GRM7: variants seen among roughly 807,000 people sequenced by gnomAD.
GRM7 encodes metabotropic glutamate receptor 7.
In GRM7, 35 loss-of-function variants were observed where a neutral mutation model predicts 84.5. The observed-to-expected ratio is 0.41, with a 90% CI of 0.32 to 0.55. The LOEUF (loss-of-function observed/expected upper bound fraction) is 0.55. Among genes scored for constraint, GRM7 ranks in the 20% least tolerant of loss-of-function variants. The pLI, the probability that GRM7 is intolerant of heterozygous loss-of-function variation, is 0.19. For missense variants in GRM7, 1,003 were observed against 1,194.6 expected (o/e 0.84, Z 2.36); for synonymous variants, 487 against 455.1 (o/e 1.07, Z -0.89).
chr3:7,267,156 G>A (rs1698672285), intron 2 of GRM7, among the ~76,000 whole-genome samples: 1 of 152,154 alleles, frequency 6.6e-6, no homozygotes. Flanking sequence ...TTGCTTCTCT[G>A]TAGAAAATCG....
chr3:7,343,807 CT>C (rs1415858900), intron 4 of GRM7, among the ~76,000 whole-genome samples: 2 of 152,124 alleles, frequency 1.3e-5, no homozygotes, highest in Non-Finnish European at 2.9e-5. Context: ...ATCTGAATTA[CT>C]TTGCCCTTTT....
At chr3:7,536,534 T>G (rs953536293) in intron 7 of GRM7, among the ~76,000 whole-genome samples, 4 of 152,304 alleles carry the variant, frequency 2.6e-5, no homozygotes, top group Middle Eastern at 3.4e-3. Context: ...CCCTAATATA[T>G]CAGGATTGGT....
chr3:6,921,434 C>T (rs1484997200), intron 1 of GRM7, among the ~76,000 whole-genome samples: 1 of 152,172 alleles, frequency 6.6e-6, no homozygotes, highest in African/African-American at 2.4e-5. Context: ...AGGGAAAGCG[C>T]AGCCAACAGC....
At chr3:6,963,639 A>G (rs1693389305) in intron 1 of GRM7, among the ~76,000 whole-genome samples, 1 of 152,170 alleles carries the variant, frequency 6.6e-6, no homozygotes, top group African/African-American at 2.4e-5. Flanking sequence ...ATCCCAATAC[A>G]TATCATTCAT....
intron 9 of GRM7, among the ~76,000 whole-genome samples, chr3:7,702,773 T>C (rs995556068): frequency 2.0e-5 from 3 of 152,182 alleles, no homozygotes; most frequent in Non-Finnish European, 4.4e-5. Flanking sequence ...GTAAGTCAGC[T>C]CTTGAATAAT....
intron 7 of GRM7, among the ~76,000 whole-genome samples, chr3:7,507,683 A>G (rs1381381184): frequency 6.6e-6 from 1 of 152,214 alleles, no homozygotes; most frequent in Non-Finnish European, 1.5e-5. Context: ...ACTGGTAGTT[A>G]TGATTGAGGA....
At position 7,121,746 on chromosome 3, in the gene GRM7, C is replaced by G. The variant is rs555813958; in HGVS notation, c.520-24706C>G. On this transcript the variant is annotated intron_variant, in intron 1 of 9. Coordinates refer to ENST00000357716, the MANE Select transcript of GRM7 (RefSeq NM_000844.4). ...GCAGAGATGGGTTTTATGGATAAAG[C>G]TGAAAACAATGCCAATACATAGTGA... Among the ~76,000 whole-genome samples the G allele has an allele frequency of 2.6e-5, 4 of 152,236 alleles. No individual in the cohort carries two copies. The South Asian group carries it at 8.3e-4, about 32-fold the overall frequency.
intron 4 of GRM7, among the ~76,000 whole-genome samples, chr3:7,343,688 A>G (rs993168294): frequency 3.9e-5 from 6 of 152,196 alleles, no homozygotes; most frequent in Non-Finnish European, 7.3e-5. Context: ...ACTTTGCAAC[A>G]CAATGCTTCT....
At chr3:6,937,355 T>C (rs1697729063) in intron 1 of GRM7, among the ~76,000 whole-genome samples, 1 of 152,212 alleles carries the variant, frequency 6.6e-6, no homozygotes, top group Non-Finnish European at 1.5e-5. Flanking sequence ...GAAAACAAAT[T>C]GTTAACCTCA....
At chr3:7,452,168 T>G (rs1369349084) in intron 5 of GRM7, among the ~76,000 whole-genome samples, 1 of 152,162 alleles carries the variant, frequency 6.6e-6, no homozygotes, top group African/African-American at 2.4e-5. Context: ...CCAGTAATAC[T>G]AACAATCGAG....
At chr3:7,054,422 A>G (rs551114697) in intron 1 of GRM7, among the ~76,000 whole-genome samples, 72 of 150,928 alleles carry the variant, frequency 4.8e-4, no homozygotes, top group Non-Finnish European at 9.0e-4. Context: ...AAATGGCTAT[A>G]TATGTATCTT....
intron 7 of GRM7, among the ~76,000 whole-genome samples, chr3:7,487,626 G>C (rs1344625816): frequency 6.6e-6 from 1 of 152,212 alleles, no homozygotes; most frequent in Non-Finnish European, 1.5e-5. Flanking sequence ...TGTAGGCCTT[G>C]TTGCCATTCA....
intron 9 of GRM7, chr3:7,686,494 C>A: frequency 2.5e-6 from 2 of 815,324 alleles, no homozygotes; most frequent in South Asian, 1.5e-5. Context: ...TTCTTGTCTC[C>A]AATGAGAATT....
intron 1 of GRM7, among the ~76,000 whole-genome samples, chr3:7,069,067 A>AT (rs1424592658): frequency 6.6e-6 from 1 of 150,704 alleles, no homozygotes; most frequent in African/African-American, 2.4e-5. Flanking sequence ...TTTTATATAT[A>AT]TATATATCAT....
intron 4 of GRM7, among the ~76,000 whole-genome samples, chr3:7,382,122 C>T (rs1284781722): frequency 1.4e-4 from 21 of 152,182 alleles, no homozygotes. Flanking sequence ...TTCTCTCTGT[C>T]TCTAAAAAAA....
At position 7,146,452 on chromosome 3, in the gene GRM7, A is replaced by G. The variant is rs1315580975; in HGVS notation, c.520A>G (p.Ile174Val). ...MVANILRLFQ[I>V]PQISYASTAP... Reference sequence around the variant, plus strand: ...ACGTGGTGCTTTCTTGTCTTTGCAGATCCCCCAGATTAGTTATGCATCAAC... The same window carrying G: ...ACGTGGTGCTTTCTTGTCTTTGCAGGTCCCCCAGATTAGTTATGCATCAAC... The change falls in exon 2 of 10, where the codon ATC becomes GTC. Residue 174 changes from isoleucine (I) to valine (V), a missense_variant and splice_region_variant. By Grantham distance (29) the Ile-to-Val change is conservative (BLOSUM62 3). Coordinates refer to ENST00000357716, the MANE Select transcript of GRM7 (RefSeq NM_000844.4). The G allele has an allele frequency of 6.2e-7, 1 of 1,610,914 alleles. No individual in the cohort carries two copies.
intron 1 of GRM7, among the ~76,000 whole-genome samples, chr3:7,134,631 C>T (rs908578109): frequency 5.3e-5 from 8 of 152,252 alleles, no homozygotes; most frequent in African/African-American, 1.9e-4. Flanking sequence ...GATTGGTCAA[C>T]TTGGACCAGC....
Position 7,255,930 on chromosome 3 carries a change from A to G in GRM7, c.737-42754A>G, listed in dbSNP as rs79997036. 2.3e-3 allele frequency among the ~76,000 whole-genome samples: 343 copies of G among 152,266 alleles called. 1 individual carries two copies. The highest frequency in any genetic ancestry group is 8.0e-3 in the African/African-American group (334 of 41,558). Reference sequence around the variant, plus strand: ...AGCTTACACAACTATTCATCAAACTATGCCACTCTCTGCTTAAATTGCTCC... The same window carrying G: ...AGCTTACACAACTATTCATCAAACTGTGCCACTCTCTGCTTAAATTGCTCC... On this transcript the variant is annotated intron_variant, in intron 2 of 9. Coordinates refer to ENST00000357716, the MANE Select transcript of GRM7 (RefSeq NM_000844.4).
intron 1 of GRM7, among the ~76,000 whole-genome samples, chr3:6,996,090 C>A (rs1694819614): frequency 6.6e-6 from 1 of 152,004 alleles, no homozygotes; most frequent in South Asian, 2.1e-4. Context: ...GCTCTGTCAC[C>A]CAGGCTGGAA....
Sources: allele counts gnomAD v4.1 joint callset (sites outside exome capture counted in the v4.1 genomes callset), GRCh38; gene constraint gnomAD v4.1.1; transcripts MANE v1.5; gene names NCBI Gene and HGNC (gene_info 2026-07-23, HGNC 2026-07-21).